Variants in SLC12A3 observed in about 807,000 individuals in gnomAD.
SLC12A3 encodes Na-Cl cotransporter.
Under a neutral mutation model 121.0 loss-of-function variants are expected in SLC12A3, and 104 were observed. That is an observed-to-expected ratio of 0.86 (90% CI 0.73 to 1.01). SLC12A3 has a LOEUF of 1.01. Among genes scored for constraint, SLC12A3 ranks in the 50% least tolerant of loss-of-function variants. The probability of loss-of-function intolerance (pLI) is 0.00; values close to 1 mark genes in which losing one functional copy is unlikely to be tolerated. For synonymous variants in SLC12A3, 536 were observed against 533.4 expected (o/e 1.00, Z -0.07); for missense variants, 1,328 against 1,356.3 (o/e 0.98, Z 0.33).
chr16:56,912,799 G>A (rs556218603), intron 25 of SLC12A3, among the ~76,000 whole-genome samples: 342 of 152,260 alleles, frequency 2.2e-3, no homozygotes, highest in African/African-American at 7.8e-3. Context: ...AGGCGTGGGC[G>A]GCCTGCCCTG....
In SLC12A3 at chr16:56,872,020, G is replaced by A. The variant is rs568965575; in HGVS notation, c.853-331G>A. Among the ~76,000 whole-genome samples the A allele has an allele frequency of 3.3e-5, 5 of 149,274 alleles. No individual in the cohort carries two copies. In the South Asian group the frequency reaches 1.1e-3, roughly 32 times the overall value. ...TTACAGGTTTGAGCCACTGTTTCCGGCCTGTATTTTTAGTAGAGACAGAGT... is the reference window on the plus strand; with the variant it reads ...TTACAGGTTTGAGCCACTGTTTCCGACCTGTATTTTTAGTAGAGACAGAGT... On this transcript the variant is annotated intron_variant, in intron 6 of 25. Transcript: ENST00000563236.
At chr16:56,901,347 C>CTCT (rs1555502273) in intron 23 of SLC12A3, among the ~76,000 whole-genome samples, 2 of 128,902 alleles carry the variant, frequency 1.6e-5, no homozygotes, top group African/African-American at 3.3e-5. Flanking sequence ...CTCTCTCTCT[C>CTCT]TTTTTTTTTT....
chr16:56,879,504 C>T lies in SLC12A3; in HGVS notation c.1336-38C>T, dbSNP rs192954912. 2.4e-4 allele frequency: 370 copies of T among 1,522,432 alleles called. 5 individuals carry two copies. The African/African-American group carries it at 4.0e-3, about 16-fold the overall frequency. The allele number at this position is 1,522,432 out of a possible 1,614,324, so 94.3% of individuals were successfully genotyped here. ...CCACAGATGGGGGCTCCTGGCTCAG[C>T]CCCCACCGTGGAGTCCCTGAGCCCC... On this transcript the variant is annotated intron_variant, in intron 10 of 25. Transcript: ENST00000563236.
rs144392294 is a variant in SLC12A3, at chr16:56,895,311, C to A, written c.2633+669C>A. ...GGTTCAAGCAATTCTCCTGCCTCAG[C>A]CTCCCTAGTAACCAGGATTAGAGGC... On this transcript the variant is annotated intron_variant, in intron 22 of 25. Coordinates refer to ENST00000563236, the MANE Select transcript of SLC12A3 (RefSeq NM_001126108.2). Among the ~76,000 whole-genome samples, 4 of 150,116 alleles carry A rather than the reference C, an allele frequency of 2.7e-5. No homozygotes were observed. In the East Asian group the frequency reaches 7.8e-4, roughly 29 times the overall value.
chr16:56,891,104 TG>T (rs1218092931), intron 19 of SLC12A3, among the ~76,000 whole-genome samples: 1 of 151,912 alleles, frequency 6.6e-6, no homozygotes, highest in Non-Finnish European at 1.5e-5. Flanking sequence ...CTGGGTGTGG[TG>T]GCTCGTTTCT....
intron 12 of SLC12A3, 36 bp downstream of exon 12, chr16:56,880,289 C>T (rs772356842): frequency 7.5e-5 from 117 of 1,555,362 alleles, no homozygotes; most frequent in Non-Finnish European, 1.0e-4. Flanking sequence ...GCCTGGCCTC[C>T]TGTTCCCCTG....
chr16:56,873,306 C>T (rs879853601), intron 8 of SLC12A3, among the ~76,000 whole-genome samples: 5 of 151,312 alleles, frequency 3.3e-5, no homozygotes, highest in African/African-American at 4.8e-5. Context: ...GCCTGTGCTG[C>T]GCTCTCTACC....
chr16:56,895,578 GAACAC>G (rs2055451606), intron 22 of SLC12A3, among the ~76,000 whole-genome samples: 1 of 151,700 alleles, frequency 6.6e-6, no homozygotes, highest in East Asian at 1.9e-4. Flanking sequence ...GAAGGCTGGA[GAACAC>G]GCCTCCTCCT....
chr16:56,887,772 TTA>T (rs1555500981), intron 17 of SLC12A3, among the ~76,000 whole-genome samples, 151 bp from the exon 18 acceptor site: 11 of 59,968 alleles, frequency 1.8e-4, no homozygotes, highest in South Asian at 1.0e-3. Context: ...ATTTTTAAGA[TTA>T]TATATATATA....
At chr16:56,904,561 C>A in intron 25 of SLC12A3, 99 bp downstream of exon 25, 1 of 1,161,544 alleles carries the variant, frequency 8.6e-7, no homozygotes, top group Middle Eastern at 2.3e-4. Context: ...GGGCCCAAGC[C>A]TTCCCCTAGG....
chr16:56,909,231 G>A (rs1032621039), intron 25 of SLC12A3, among the ~76,000 whole-genome samples: 27 of 151,064 alleles, frequency 1.8e-4, no homozygotes, highest in African/African-American at 5.6e-4. Flanking sequence ...GGCTGAGGCT[G>A]AAGGATTGAT....
Position 56,913,334 on chromosome 16 carries a change from C to G in SLC12A3, c.2995C>G (p.Gln999Glu), listed in dbSNP as rs778551645. 5 of 1,614,160 alleles carry G rather than the reference C, an allele frequency of 3.1e-6. No homozygotes were observed. Among genetic ancestry groups the G allele is most frequent in the South Asian group, 1.1e-5 (1 of 91,086 alleles). ...CATGGCCTGGCTGGAGACCCTGTCC[C>G]AGGACCTCAGACCTCCAGTCATCCT... ...LYMAWLETLS[Q>E]DLRPPVILIR... is the part of the protein sequence containing the mutation. The change falls in exon 26 of 26, where the codon CAG becomes GAG. Residue 999 changes from glutamine to glutamate, a missense_variant. Coordinates refer to ENST00000563236, the MANE Select transcript of SLC12A3 (RefSeq NM_001126108.2).
chr16:56,868,192 C>T (rs1964403325), intron 2 of SLC12A3, 105 bp from the exon 3 acceptor site: 1 of 1,048,596 alleles, frequency 9.5e-7, no homozygotes, highest in Non-Finnish European at 1.4e-6. Flanking sequence ...CCCAGGTGTC[C>T]CTAGGGCCTA....
intron 24 of SLC12A3, among the ~76,000 whole-genome samples, chr16:56,903,275 C>A (rs1389213005): frequency 6.6e-6 from 1 of 152,158 alleles, no homozygotes; most frequent in South Asian, 2.1e-4. Context: ...ACCTTCAGGA[C>A]TCTAAGGGCT....
rs762861869 is a variant in SLC12A3, at chr16:56,865,391, C to T, written c.156C>T (p.Cys52=). ...ACCTGACCCACAGCAGCACCTTCTG[C>T]ATGCGCACCTTTGGCTACAACACGA... ...PSHLTHSSTF[C]MRTFGYNTID... The change falls in exon 1 of 26, where the codon TGC becomes TGT. Residue 52 remains cysteine, a synonymous_variant. Coordinates refer to ENST00000563236, the MANE Select transcript of SLC12A3 (RefSeq NM_001126108.2). 2.3e-5 allele frequency: 37 copies of T among 1,614,114 alleles called. No individual in the cohort carries two copies. The highest frequency in any genetic ancestry group is 6.7e-5 in the African/African-American group (5 of 74,956).
chr16:56,885,696 AG>A (rs1231122083), intron 15 of SLC12A3, among the ~76,000 whole-genome samples: 2 of 152,092 alleles, frequency 1.3e-5, no homozygotes, highest in Admixed American at 1.3e-4. Context: ...TACCCTTCAA[AG>A]CTCATTCCCC....
chr16:56,893,195 A>G, intron 21 of SLC12A3, 141 bp downstream of exon 21: 1 of 675,568 alleles, frequency 1.5e-6, no homozygotes, highest in Non-Finnish European at 2.6e-6. Flanking sequence ...GCCCAGAGGG[A>G]CCCCTCTGTC....
chr16:56,888,650 C>T (rs1423452247), intron 18 of SLC12A3, among the ~76,000 whole-genome samples: 2 of 150,286 alleles, frequency 1.3e-5, no homozygotes, highest in Non-Finnish European at 3.0e-5. Flanking sequence ...GCTCCGCCTC[C>T]CGGGTTCACG....
In SLC12A3 at chr16:56,894,621, G is replaced by C. The variant is rs763120816; in HGVS notation, c.2612G>C (p.Arg871Thr). 1 of 1,614,044 alleles carries C rather than the reference G, an allele frequency of 6.2e-7. No individual in the cohort carries two copies. Among genetic ancestry groups the C allele is most frequent in the East Asian group, 2.2e-5 (1 of 44,884 alleles). Residue 871 changes from arginine (R) to threonine (T), a missense_variant, in exon 22 of 26, where the codon AGG becomes ACG. Arg to Thr is a moderately conservative substitution (Grantham distance 71). Transcript: ENST00000563236. ...GTGTTCGTAGGCGGCCAGATTAACA[G>C]GATGGACCAGGAGAGAAAGGCGTAA... ...IRVFVGGQIN[R>T]MDQERKAIIS...
Sources: allele counts gnomAD v4.1 joint callset (sites outside exome capture counted in the v4.1 genomes callset), GRCh38; gene constraint gnomAD v4.1.1; transcripts MANE v1.5; gene names NCBI Gene and HGNC (gene_info 2026-07-23, HGNC 2026-07-21).